Variants in RBX1 observed in about 807,000 individuals in gnomAD.
RBX1 encodes the protein ring-box 1, also known as E3 ubiquitin-protein ligase RBX1.
For synonymous variants in RBX1, 48 were observed against 47.9 expected, an observed-to-expected ratio of 1.00 and a Z score of -0.01; for missense variants, 46 against 141.4, an observed-to-expected ratio of 0.33 and a Z score of 3.42.
At chr22:40,970,392 A>G (rs2058365983) in intron 4 of RBX1, among the ~76,000 whole-genome samples, 1 of 151,954 alleles carries the variant, frequency 6.6e-6, no homozygotes, top group African/African-American at 2.4e-5. Flanking sequence ...TTTTTGATAA[A>G]TAGTGTCAGG....
intron 4 of RBX1, among the ~76,000 whole-genome samples, chr22:40,971,626 G>A (rs1314798486): frequency 2.0e-5 from 3 of 152,014 alleles, no homozygotes; most frequent in Non-Finnish European, 4.4e-5. Flanking sequence ...TTGTGATCTC[G>A]GTTCACTGCA....
intron 4 of RBX1, among the ~76,000 whole-genome samples, chr22:40,968,392 G>C (rs1000151937): frequency 2.6e-5 from 4 of 152,160 alleles, no homozygotes; most frequent in Admixed American, 1.3e-4. Flanking sequence ...TGCCCGGCAG[G>C]TTTCCCAACC....
At chr22:40,963,411 G>A (rs1238529688) in intron 2 of RBX1, among the ~76,000 whole-genome samples, 4 of 151,794 alleles carry the variant, frequency 2.6e-5, no homozygotes, top group East Asian at 2.0e-4. Flanking sequence ...TGAGGTGGGC[G>A]GATCACCTGA....
At position 40,961,444 on chromosome 22, in the gene RBX1, C is replaced by T. The variant is rs188794144; in HGVS notation, c.158-2603C>T. 1.4e-3 allele frequency among the ~76,000 whole-genome samples: 211 copies of T among 151,588 alleles called. No individual in the cohort carries two copies. The Middle Eastern group carries it at 0.021, about 15-fold the overall frequency. ...ATTTTTATTTTTTGAGACAGAGTCTCGCTCTGTTACCCAGGCTGGAGCGCA... is the reference window on the plus strand; with the variant it reads ...ATTTTTATTTTTTGAGACAGAGTCTTGCTCTGTTACCCAGGCTGGAGCGCA... On this transcript the variant is annotated intron_variant, in intron 2 of 4. Coordinates refer to ENST00000216225, the MANE Select transcript of RBX1 (RefSeq NM_014248.4).
chr22:40,961,405 A>T (rs906605891), intron 2 of RBX1, among the ~76,000 whole-genome samples: 1 of 150,448 alleles, frequency 6.6e-6, no homozygotes, highest in African/African-American at 2.4e-5. Flanking sequence ...TTTTTATTTT[A>T]TTTTATTATT....
Position 40,969,899 on chromosome 22 carries a change from A to G in RBX1, c.314+2015A>G, listed in dbSNP as rs181994434. ...GTGAGACCCTATCTCAAAAAAAAAAAAAAGAAAGAAAATTAGCTGGATGTG... is the reference window on the plus strand; with the variant it reads ...GTGAGACCCTATCTCAAAAAAAAAAGAAAGAAAGAAAATTAGCTGGATGTG... On this transcript the variant is annotated intron_variant, in intron 4 of 4. Coordinates refer to ENST00000216225, the MANE Select transcript of RBX1 (RefSeq NM_014248.4). 1.7e-3 allele frequency among the ~76,000 whole-genome samples: 251 copies of G among 151,880 alleles called. 2 individuals are homozygous for G. Among genetic ancestry groups the G allele is most frequent in the South Asian group, 8.4e-4 (4 of 4,790 alleles).
At chr22:40,966,222 T>G (rs1047075511) in intron 3 of RBX1, 10 of 152,178 alleles carry the variant, frequency 6.6e-5, no homozygotes, top group East Asian at 1.9e-4. Context: ...TACTATAAAT[T>G]TATCTTCTGT....
intron 2 of RBX1, among the ~76,000 whole-genome samples, chr22:40,955,603 C>T (rs977092990): frequency 6.6e-6 from 1 of 152,176 alleles, no homozygotes; most frequent in Non-Finnish European, 1.5e-5. Context: ...TGGATTCAGA[C>T]TAGCCACATT....
At chr22:40,970,914 G>A (rs1381579681) in intron 4 of RBX1, among the ~76,000 whole-genome samples, 3 of 152,198 alleles carry the variant, frequency 2.0e-5, no homozygotes, top group East Asian at 3.8e-4. Context: ...GAGTGGTACT[G>A]TTGGGCTCCC....
In RBX1 at chr22:40,972,908, G is replaced by C. The variant is rs548546949; in HGVS notation, c.*420G>C. The C allele has an allele frequency of 1.2e-5, 2 of 167,966 alleles. No individual in the cohort carries two copies. The highest frequency in any genetic ancestry group is 1.7e-4 in the East Asian group (1 of 5,886). The allele number at this position is 167,966 out of a possible 1,614,324, so 10.4% of individuals were successfully genotyped here. On this transcript the variant is annotated 3_prime_UTR_variant, in exon 5 of 5. Coordinates refer to ENST00000216225, the MANE Select transcript of RBX1 (RefSeq NM_014248.4). ...GTGTGACAGCAGTGGGCAGCTGAAA[G>C]AGGGAAGAATGTGGGATTCAGTCAT...
At chr22:40,964,438 G>A (rs2058348633) in intron 3 of RBX1, 2 of 228,514 alleles carry the variant, frequency 8.8e-6, no homozygotes, top group Non-Finnish European at 1.8e-5. Flanking sequence ...GTAGAACTTT[G>A]TACCTTTGAA....
In RBX1 at chr22:40,973,195, G is replaced by C. The variant is rs1229805355; in HGVS notation, c.*707G>C. ...GACGATTTTTCCATGGACCGGGGGTGGGGCGGGGGTGTGCTTGGGGATGGT... is the reference window on the plus strand; with the variant it reads ...GACGATTTTTCCATGGACCGGGGGTCGGGCGGGGGTGTGCTTGGGGATGGT... On this transcript the variant is annotated 3_prime_UTR_variant, in exon 5 of 5. Coordinates refer to ENST00000216225, the MANE Select transcript of RBX1 (RefSeq NM_014248.4). The C allele has an allele frequency of 1.3e-5, 2 of 152,308 alleles. No individual in the cohort carries two copies. Among genetic ancestry groups the C allele is most frequent in the Non-Finnish European group, 2.9e-5 (2 of 68,174 alleles). The allele number at this position is 152,308 out of a possible 1,614,324, so 9.4% of individuals were successfully genotyped here. A position where few individuals can be genotyped will look rare whatever the true frequency, so the allele number is the denominator to read the frequency against.
chr22:40,953,735 C>G, intron 2 of RBX1, 102 bp downstream of exon 2: 1 of 774,110 alleles, frequency 1.3e-6, no homozygotes, highest in Non-Finnish European at 2.3e-6. Context: ...GATAGCAAGC[C>G]TACTCTGAGC....
chr22:40,961,504 C>G (rs2058340176), intron 2 of RBX1, among the ~76,000 whole-genome samples: 1 of 151,906 alleles, frequency 6.6e-6, no homozygotes, highest in African/African-American at 2.4e-5. Flanking sequence ...AGCTCCGCCT[C>G]CCGGGTTCAC....
At chr22:40,961,081 C>CTTT (rs61092253) in intron 2 of RBX1, among the ~76,000 whole-genome samples, 64 of 107,610 alleles carry the variant, frequency 5.9e-4, no homozygotes, top group Middle Eastern at 6.5e-3. Context: ...CGTGCCTGGC[C>CTTT]TTTTTTTTTT....
At chr22:40,964,330 A>C (rs1253332217) in intron 3 of RBX1, 4 of 437,726 alleles carry the variant, frequency 9.1e-6, no homozygotes, top group Non-Finnish European at 1.7e-5. Flanking sequence ...TATTTGTCTT[A>C]ATTATAAAGT....
intron 4 of RBX1, among the ~76,000 whole-genome samples, chr22:40,969,985 C>T (rs1407557172): frequency 6.6e-6 from 1 of 150,494 alleles, no homozygotes; most frequent in Admixed American, 6.7e-5. Context: ...CGCTTGAGCC[C>T]AGGAGGCGGA....
chr22:40,960,442 A>G (rs1032387659), intron 2 of RBX1, among the ~76,000 whole-genome samples: 2 of 152,162 alleles, frequency 1.3e-5, no homozygotes. Context: ...AGCATGTTCC[A>G]GGTATGGCAG....
At chr22:40,971,003 T>G in intron 4 of RBX1, among the ~76,000 whole-genome samples, 1 of 152,160 alleles carries the variant, frequency 6.6e-6, no homozygotes, top group Non-Finnish European at 1.5e-5. Context: ...GAGCTTGCAT[T>G]CTACAGGGAA....
Sources: gnomAD v4.1 joint callset for allele counts (sites outside exome capture counted in the v4.1 genomes callset) on GRCh38, gnomAD v4.1.1 for gene constraint, MANE v1.5 for transcripts, NCBI Gene and HGNC (gene_info 2026-07-23, HGNC 2026-07-21) for gene names.